The following TROAP variants were observed in gnomAD, a reference collection of about 807,000 sequenced individuals.
TROAP encodes the protein trophinin associated protein.
TROAP carries 62 observed loss-of-function variants against 83.4 expected under a neutral mutation model. That is an observed-to-expected ratio of 0.74 (90% CI 0.61 to 0.92). TROAP has a LOEUF of 0.92. Among genes scored for constraint, TROAP ranks in the 40% least tolerant of loss-of-function variants. TROAP has a pLI of 0.00. For synonymous variants in TROAP, 352 were observed against 386.4 expected (o/e 0.91, Z 1.04); for missense variants, 876 against 985.1 (o/e 0.89, Z 1.48).
chr12:49,326,792 A>T, intron 7 of TROAP, 72 bp downstream of exon 7: 1 of 1,509,508 alleles, frequency 6.6e-7, no homozygotes. Flanking sequence ...GACCAGAGAA[A>T]ACTCAGCAGG....
chr12:49,325,036 G>A (rs1335044687), intron 3 of TROAP, among the ~76,000 whole-genome samples: 1 of 150,122 alleles, frequency 6.7e-6, no homozygotes, highest in Non-Finnish European at 1.5e-5. Flanking sequence ...TCAGCCTCCT[G>A]AGTAGCTGGT....
Position 49,327,384 on chromosome 12 carries a change from A to G in TROAP, c.891+54A>G. 6 of 1,594,106 alleles carry G rather than the reference A, an allele frequency of 3.8e-6. No homozygotes were observed. In the East Asian group the frequency reaches 9.0e-5, roughly 24 times the overall value. ...GTGGGAGGTGCAGGAGTTGCTTGGA[A>G]GAATTTTGCTGCAGCAGCCAACACT... is the stretch of plus-strand genomic sequence containing the variant. On this transcript the variant is annotated intron_variant, in intron 8 of 14. Coordinates refer to ENST00000257909, the MANE Select transcript of TROAP (RefSeq NM_005480.4).
At chr12:49,324,601 A>G (rs535800817) in intron 3 of TROAP, 39 of 158,360 alleles carry the variant, frequency 2.5e-4, no homozygotes, top group African/African-American at 6.0e-4. Flanking sequence ...ACATTTGGTG[A>G]CCAGGTGTGG....
rs769860254 is a variant in TROAP at position 49,323,706 on chromosome 12, C to A, written c.98C>A (p.Pro33His). 1 of 1,614,120 alleles carries A rather than the reference C, an allele frequency of 6.2e-7. No individual in the cohort carries two copies. Among genetic ancestry groups the A allele is most frequent in the Non-Finnish European group, 8.5e-7 (1 of 1,180,018 alleles). ...PVRSQKRTPF[P>H]TVTSCAVDQE... ...CGCTCTCAGAAACGCACGCCTTTCC[C>A]CACTGTTACATCGTGCGCCGTGGAC... The change falls in exon 2 of 15, where the codon CCC (proline) becomes CAC (histidine). Residue 33 changes from proline (P) to histidine (H), a missense_variant. Pro to His is a moderately conservative substitution (Grantham distance 77, BLOSUM62 -2). Transcript: ENST00000257909.
At chr12:49,326,618 C>A in intron 6 of TROAP, 50 bp from the exon 7 acceptor site, 1 of 1,535,800 alleles carries the variant, frequency 6.5e-7, no homozygotes, top group Non-Finnish European at 8.8e-7. Context: ...ACATGTCCAG[C>A]TCATACTTGG....
At chr12:49,325,110 G>A (rs143260396) in intron 3 of TROAP, among the ~76,000 whole-genome samples, 15 of 151,510 alleles carry the variant, frequency 9.9e-5, no homozygotes, top group African/African-American at 3.6e-4. Context: ...GTAGAGATGG[G>A]GTTTTACCAT....
intron 3 of TROAP, 136 bp downstream of exon 3, chr12:49,324,173 G>C (rs1328303963): frequency 1.2e-6 from 2 of 1,614,112 alleles, no homozygotes; most frequent in Middle Eastern, 3.3e-4. Flanking sequence ...CCAGCTCCTG[G>C]AAAGCTCTTT....
intron 3 of TROAP, 52 bp downstream of exon 3, chr12:49,324,089 G>A: frequency 6.2e-7 from 1 of 1,613,136 alleles, no homozygotes; most frequent in Non-Finnish European, 8.5e-7. Context: ...TAGGGGACTA[G>A]GAAGGGTAAA....
intron 6 of TROAP, 147 bp downstream of exon 6, chr12:49,326,305 G>C: frequency 1.2e-6 from 1 of 805,492 alleles, no homozygotes; most frequent in Non-Finnish European, 2.0e-6. Flanking sequence ...GTGATTACCC[G>C]GGATGAGCCC....
In TROAP at chr12:49,331,699, C is replaced by G; in HGVS notation, c.*82C>G. The stretch of plus-strand genomic sequence containing the variant: ...GGTCTGCCCATGGGACTGGGAGCCG[C>G]CCACTTTTGTCCTCAATAAAGTTTC... On this transcript the variant is annotated 3_prime_UTR_variant, in exon 15 of 15. Coordinates refer to ENST00000257909, the MANE Select transcript of TROAP (RefSeq NM_005480.4). The G allele has an allele frequency of 6.4e-7, 1 of 1,571,116 alleles. No homozygotes were observed. The highest frequency in any genetic ancestry group is 1.7e-4 in the Middle Eastern group (1 of 5,988).
At chr12:49,326,181 A>G in intron 6 of TROAP, 23 bp downstream of exon 6, 1 of 1,610,034 alleles carries the variant, frequency 6.2e-7, no homozygotes, top group Non-Finnish European at 8.5e-7. Flanking sequence ...AGGGTGTGGG[A>G]GAAGGTCATC....
chr12:49,329,766 C>T lies in TROAP; in HGVS notation c.1165-91C>T. On this transcript the variant is annotated intron_variant, in intron 11 of 14. Transcript: ENST00000257909. The surrounding 1 kb of genome is among the most constrained non-coding windows in gnomAD (Gnocchi z 4.5). Reference sequence around the variant, plus strand: ...ACATCTAGGGCCTCTCAGTTAGGGGCTTCAATCCATTCCTCATGAGGGTGG... The same window carrying T: ...ACATCTAGGGCCTCTCAGTTAGGGGTTTCAATCCATTCCTCATGAGGGTGG... The T allele has an allele frequency of 1.9e-6, 3 of 1,538,992 alleles. No individual in the cohort carries two copies. The highest frequency in any genetic ancestry group is 2.6e-6 in the Non-Finnish European group (3 of 1,139,496).
Position 49,328,777 on chromosome 12 carries a change from T to C in TROAP, c.892-150T>C, listed in dbSNP as rs888514793. ...TACTCGGGAGGCTGAGGCAGGAGAA[T>C]GGTGTGAACCCGGGATGCGGAGCTT... On this transcript the variant is annotated intron_variant, in intron 8 of 14. Coordinates refer to ENST00000257909, the MANE Select transcript of TROAP (RefSeq NM_005480.4). 4.7e-6 allele frequency: 5 copies of C among 1,071,610 alleles called. No individual in the cohort carries two copies. In the Admixed American group the frequency reaches 1.6e-4, roughly 34 times the overall value. 66.4% of individuals were successfully genotyped at this position (1,071,610 alleles called of 1,614,324 possible).
At chr12:49,327,688 C>T (rs1565670512) in intron 8 of TROAP, among the ~76,000 whole-genome samples, 1 of 151,898 alleles carries the variant, frequency 6.6e-6, no homozygotes, top group Non-Finnish European at 1.5e-5. Flanking sequence ...AGGCTCTGGA[C>T]ATATAGCAGT....
rs377706259 is a variant in TROAP, at chr12:49,327,158, A to G, written c.770-51A>G. The G allele has an allele frequency of 3.7e-5, 60 of 1,608,248 alleles. No homozygotes were observed. In the South Asian group the frequency reaches 5.6e-4, roughly 15 times the overall value. On this transcript the variant is annotated intron_variant, in intron 7 of 14. Coordinates refer to ENST00000257909, the MANE Select transcript of TROAP (RefSeq NM_005480.4). ...TCAGAAGTTGCAGAACACTGTGCCA[A>G]ACTTTGGTGGGTGTTCTAGAGTCTA...
intron 2 of TROAP, 38 bp from the exon 3 acceptor site, chr12:49,323,807 A>G: frequency 2.5e-6 from 4 of 1,613,876 alleles, no homozygotes; most frequent in Non-Finnish European, 2.5e-6. Flanking sequence ...GCACCCCAAC[A>G]CTAAACCTCA....
At chr12:49,324,909 CTTTT>C (rs891098022) in intron 3 of TROAP, among the ~76,000 whole-genome samples, 2 of 112,550 alleles carry the variant, frequency 1.8e-5, no homozygotes, top group Admixed American at 9.1e-5. Context: ...TGTTTTCTTT[CTTTT>C]TTTTTTTTTT....
At chr12:49,324,694 TAGTG>T (rs1361978218) in intron 3 of TROAP, 1 of 152,736 alleles carries the variant, frequency 6.5e-6, no homozygotes, top group African/African-American at 2.4e-5. Context: ...CTAGGCAACA[TAGTG>T]AGACCCCATC....
At chr12:49,326,585 A>T in intron 6 of TROAP, 83 bp from the exon 7 acceptor site, 1 of 1,363,648 alleles carries the variant, frequency 7.3e-7, no homozygotes, top group South Asian at 1.3e-5. Flanking sequence ...ATGAAATGAG[A>T]TGATGTTTGT....
Sources: allele counts gnomAD v4.1 joint callset (sites outside exome capture counted in the v4.1 genomes callset), GRCh38; gene constraint gnomAD v4.1.1; non-coding constraint Gnocchi (gnomAD v3.1); transcripts MANE v1.5; gene names NCBI Gene and HGNC (gene_info 2026-07-23, HGNC 2026-07-21).